The following PHACTR4 variants were observed in gnomAD, a reference collection of about 807,000 sequenced individuals.
The protein encoded by PHACTR4 is protein phosphatase 1, regulatory subunit 124.
A neutral mutation model predicts 72.7 loss-of-function variants in PHACTR4; 51 were observed. The observed-to-expected ratio is 0.70, with a 90% CI of 0.56 to 0.89. The LOEUF is 0.89. Among genes scored for constraint, PHACTR4 ranks in the 40% least tolerant of loss-of-function variants. PHACTR4 has a pLI of 0.00. For synonymous variants in PHACTR4, 255 were observed against 302.5 expected, an observed-to-expected ratio of 0.84 and a Z score of 1.63; for missense variants, 731 against 861.8, an observed-to-expected ratio of 0.85 and a Z score of 1.90.
At chr1:28,487,603 C>T (rs190191013) in intron 9 of PHACTR4, among the ~76,000 whole-genome samples, 10 of 146,934 alleles carry the variant, frequency 6.8e-5, no homozygotes, top group Admixed American at 4.1e-4. Flanking sequence ...ATGCAAGCAA[C>T]AGAAGAGTTG....
chr1:28,403,534 G>C (rs959248021), intron 1 of PHACTR4, among the ~76,000 whole-genome samples: 3 of 152,040 alleles, frequency 2.0e-5, no homozygotes, highest in Non-Finnish European at 4.4e-5. Context: ...CCCTTGTGTT[G>C]CTCAGATCTA....
At position 28,456,049 on chromosome 1, in the gene PHACTR4, C is replaced by T. The variant is rs115349019; in HGVS notation, c.17-3036C>T. Among the ~76,000 whole-genome samples the T allele has an allele frequency of 8.9e-3, 1,351 of 151,484 alleles. 18 individuals carry two copies. Among genetic ancestry groups the T allele is most frequent in the African/African-American group, 0.031 (1,291 of 41,260 alleles). On this transcript the variant is annotated intron_variant, in intron 2 of 13. Coordinates refer to ENST00000373839, the MANE Select transcript of PHACTR4 (RefSeq NM_001048183.3). The stretch of plus-strand genomic sequence containing the variant: ...TGTATCAACTATTTTTTTTTTGAGA[C>T]AAGGTCCCTGTATTAAGCCATTCTT...
chr1:28,423,222 A>G (rs906315523), intron 2 of PHACTR4, among the ~76,000 whole-genome samples: 1 of 152,134 alleles, frequency 6.6e-6, no homozygotes, highest in African/African-American at 2.4e-5. Context: ...TTCTGGGGCA[A>G]CATAGCAAGA....
intron 2 of PHACTR4, among the ~76,000 whole-genome samples, chr1:28,451,419 G>A (rs1036415079): frequency 2.0e-5 from 3 of 151,314 alleles, no homozygotes; most frequent in Admixed American, 6.6e-5. Context: ...TAGATACAGG[G>A]TATTGCTGTG....
chr1:28,446,015 G>A (rs1553194716), intron 2 of PHACTR4, among the ~76,000 whole-genome samples: 1 of 151,998 alleles, frequency 6.6e-6, no homozygotes, highest in Non-Finnish European at 1.5e-5. Flanking sequence ...GTAAATAATA[G>A]GTTAATTTAA....
At chr1:28,409,881 A>AATTAGATCC (rs1654644702) in intron 2 of PHACTR4, among the ~76,000 whole-genome samples, 1 of 151,390 alleles carries the variant, frequency 6.6e-6, no homozygotes, top group East Asian at 1.9e-4. Flanking sequence ...CTAGTTCATC[A>AATTAGATCC]ATTAGATCCA....
intron 1 of PHACTR4, among the ~76,000 whole-genome samples, chr1:28,380,159 C>G (rs888616702): frequency 1.4e-5 from 2 of 147,852 alleles, no homozygotes; most frequent in African/African-American, 5.1e-5. Flanking sequence ...CAGGTTCACG[C>G]CATTCTCCTG....
chr1:28,387,548 G>T (rs1490087378), intron 1 of PHACTR4, among the ~76,000 whole-genome samples: 2 of 151,974 alleles, frequency 1.3e-5, no homozygotes, highest in African/African-American at 2.4e-5. Flanking sequence ...ATTTCAGGGT[G>T]AGCATTATGA....
At chr1:28,433,691 C>T (rs2124385578) in intron 2 of PHACTR4, among the ~76,000 whole-genome samples, 1 of 151,828 alleles carries the variant, frequency 6.6e-6, no homozygotes, top group African/African-American at 2.4e-5. Context: ...CTCCTGACCC[C>T]AGGTGATCCG....
chr1:28,423,279 C>G (rs1431016191), intron 2 of PHACTR4, among the ~76,000 whole-genome samples: 1 of 152,084 alleles, frequency 6.6e-6, no homozygotes, highest in Admixed American at 6.6e-5. Flanking sequence ...TGTGGTGGTG[C>G]ATGCCTATAG....
At chr1:28,478,774 G>A (rs1044367005) in intron 8 of PHACTR4, among the ~76,000 whole-genome samples, 4 of 151,058 alleles carry the variant, frequency 2.6e-5, no homozygotes, top group African/African-American at 9.7e-5. Flanking sequence ...ATTTTTAAGG[G>A]TGTTTTGTTT....
intron 2 of PHACTR4, among the ~76,000 whole-genome samples, chr1:28,409,611 G>T (rs925927678): frequency 1.3e-5 from 2 of 152,198 alleles, no homozygotes; most frequent in Admixed American, 1.3e-4. Flanking sequence ...ACGGAAAGAA[G>T]TCTGAATCCC....
intron 1 of PHACTR4, among the ~76,000 whole-genome samples, chr1:28,387,455 A>G (rs934072302): frequency 6.6e-6 from 1 of 152,156 alleles, no homozygotes; most frequent in African/African-American, 2.4e-5. Flanking sequence ...AGAACCAATC[A>G]TAGGATATAA....
At chr1:28,486,194 T>C (rs1253232283) in intron 9 of PHACTR4, among the ~76,000 whole-genome samples, 4 of 151,660 alleles carry the variant, frequency 2.6e-5, no homozygotes, top group African/African-American at 7.3e-5. Context: ...TCATCTCTAC[T>C]AAAAATACAA....
chr1:28,431,111 G>A (rs1202886362), intron 2 of PHACTR4, among the ~76,000 whole-genome samples: 1 of 150,652 alleles, frequency 6.6e-6, no homozygotes, highest in South Asian at 2.1e-4. Flanking sequence ...TCCAGGAGGC[G>A]GAGCTTGCAG....
At position 28,473,719 on chromosome 1, in the gene PHACTR4, T is replaced by C; in HGVS notation, c.989T>C (p.Met330Thr). Residue 330 changes from methionine to threonine, a missense_variant, in exon 7 of 14, where the codon ATG becomes ACG. By Grantham distance (81) the Met-to-Thr change is moderately conservative (BLOSUM62 -1). Transcript: ENST00000373839. ...SDEREKSTCS[M>T]GSELLPMISP... is the part of the protein sequence containing the mutation. ...GAAAGAGAGAAGAGCACGTGTTCTA[T>C]GGGCTCGGAACTACTACCAATGATC... The C allele has an allele frequency of 6.2e-7, 1 of 1,614,122 alleles. No homozygotes were observed. The highest frequency in any genetic ancestry group is 8.5e-7 in the Non-Finnish European group (1 of 1,180,036).
Position 28,465,765 on chromosome 1 carries a change from A to C in PHACTR4, c.352A>C (p.Ser118Arg), listed in dbSNP as rs201093319. The C allele has an allele frequency of 1.5e-4, 245 of 1,613,946 alleles. No homozygotes were observed. Among genetic ancestry groups the C allele is most frequent in the Non-Finnish European group, 1.9e-4 (220 of 1,179,970 alleles). Residue 118 changes from serine to arginine, a missense_variant, in exon 5 of 14, where the codon AGT becomes CGT. Physicochemically the swap from Ser to Arg is moderately radical, Grantham distance 110. Coordinates refer to ENST00000373839, the MANE Select transcript of PHACTR4 (RefSeq NM_001048183.3). ...CCCCATAGGGAATGCCAGATCATCT[A>C]GTCCAGTCCAAGTAGAGGAAGAGCC... ...TTPIGNARSS[S>R]PVQVEEEPVR...
chr1:28,445,370 TAA>T (rs1482458521), intron 2 of PHACTR4, among the ~76,000 whole-genome samples: 2 of 152,198 alleles, frequency 1.3e-5, no homozygotes, highest in Non-Finnish European at 2.9e-5. Context: ...ATTACAAACA[TAA>T]GTCACTGCAC....
At position 28,369,787 on chromosome 1, in the gene PHACTR4, G is replaced by T. The variant is rs775134232; in HGVS notation, c.-77G>T. On this transcript the variant is annotated 5_prime_UTR_variant, in exon 1 of 14. Transcript: ENST00000373839. ...GGGCCAGGTAGGATTTCCGGGAGAG[G>T]CTGCTGTGGAGGCTGAGGAGGCGGC... 47 of 457,628 alleles carry T rather than the reference G, an allele frequency of 1.0e-4. No homozygotes were observed. In the East Asian group the frequency reaches 2.9e-3, roughly 28 times the overall value. The allele number at this position is 457,628 out of a possible 1,614,324, so 28.3% of individuals were successfully genotyped here.
Sources: allele counts gnomAD v4.1 joint callset (sites outside exome capture counted in the v4.1 genomes callset), GRCh38; gene constraint gnomAD v4.1.1; transcripts MANE v1.5; gene names NCBI Gene and HGNC (gene_info 2026-07-23, HGNC 2026-07-21).